AFAP1L1: variants seen among roughly 807,000 people sequenced by gnomAD.
AFAP1L1 encodes the protein actin filament-associated protein 1-like 1.
In AFAP1L1, 77 loss-of-function variants were observed where a neutral mutation model predicts 99.8. The ratio of observed to expected loss-of-function variants is 0.77; its 90% CI spans 0.64 to 0.93. AFAP1L1 has a LOEUF of 0.93. AFAP1L1 is among the 40% of genes least tolerant of loss of function. The pLI, the probability that AFAP1L1 is intolerant of heterozygous loss-of-function variation, is 0.00. For synonymous variants in AFAP1L1, 373 were observed against 395.3 expected, an observed-to-expected ratio of 0.94 and a Z score of 0.67; for missense variants, 893 against 996.8, an observed-to-expected ratio of 0.90 and a Z score of 1.40.
chr5:149,319,254 T>C lies in AFAP1L1; in HGVS notation c.1480-328T>C, dbSNP rs115410455. On this transcript the variant is annotated intron_variant, in intron 12 of 18. Transcript: ENST00000296721. ...TAAAAAGTAAATATTTTTTAAAAAA[T>C]TCAGAGAACACCCAAATGTTGGTTT... 3.8e-3 allele frequency among the ~76,000 whole-genome samples: 578 copies of C among 152,222 alleles called. 5 individuals carry two copies. Among genetic ancestry groups the C allele is most frequent in the African/African-American group, 0.013 (546 of 41,536 alleles).
At position 149,273,756 on chromosome 5, in the gene AFAP1L1, C is replaced by A. The variant is rs75415899; in HGVS notation, c.16+1772C>A. Among the ~76,000 whole-genome samples, 982 of 151,864 alleles carry A rather than the reference C, an allele frequency of 6.5e-3. 9 individuals carry two copies. Among genetic ancestry groups the A allele is most frequent in the African/African-American group, 0.023 (933 of 41,354 alleles). On this transcript the variant is annotated intron_variant, in intron 1 of 18. Coordinates refer to ENST00000296721, the MANE Select transcript of AFAP1L1 (RefSeq NM_152406.4). ...ATAATGCGTCTAAAGCAAATACCAC[C>A]ATCCCCCCTCCCCTTCACACTCCTA...
chr5:149,292,526 T>A (rs1340487600), intron 1 of AFAP1L1, among the ~76,000 whole-genome samples: 1 of 152,226 alleles, frequency 6.6e-6, no homozygotes, highest in Non-Finnish European at 1.5e-5. Context: ...TAATCTTAGA[T>A]ATATTTTAAA....
rs150887335 is a variant in AFAP1L1, at chr5:149,319,607, G to A, written c.1505G>A (p.Arg502His). 1.2e-4 allele frequency: 191 copies of A among 1,612,660 alleles called. No homozygotes were observed. The highest frequency in any genetic ancestry group is 1.8e-4 in the Middle Eastern group (1 of 5,630). ...LEASCSEDMG[R>H]WLGLLLVEMG... Reference sequence around the variant, plus strand: ...GCAAGCTGTTCAGAGGACATGGGTCGCTGGCTCGGGCTGCTGCTGGTGGAG... The same window carrying A: ...GCAAGCTGTTCAGAGGACATGGGTCACTGGCTCGGGCTGCTGCTGGTGGAG... The change falls in exon 13 of 19, where the codon CGC becomes CAC. Residue 502 changes from arginine to histidine, a missense_variant. Transcript: ENST00000296721.
At position 149,300,344 on chromosome 5, in the gene AFAP1L1, T is replaced by G. The variant is rs1341825144; in HGVS notation, c.219T>G (p.Phe73Leu). 1.2e-6 allele frequency: 2 copies of G among 1,612,878 alleles called. No individual in the cohort carries two copies. Among genetic ancestry groups the G allele is most frequent in the Non-Finnish European group, 1.7e-6 (2 of 1,179,420 alleles). ...GGCCCAGCTTCGTGGAATCCCTCTT[T>G]GAAGAATTTGGTAAGTGACCCTCTC... Reference protein sequence around the residue: ...HSGPSFVESLFEEFDCDLSDL... With the variant: ...HSGPSFVESLLEEFDCDLSDL... The change falls in exon 3 of 19, where the codon TTT (phenylalanine) becomes TTG (leucine). Residue 73 changes from phenylalanine (F) to leucine (L), a missense_variant. Physicochemically the swap from Phe to Leu is conservative, Grantham distance 22. Coordinates refer to ENST00000296721, the MANE Select transcript of AFAP1L1 (RefSeq NM_152406.4).
chr5:149,303,705 T>A (rs1038252767), intron 5 of AFAP1L1, among the ~76,000 whole-genome samples: 2 of 152,148 alleles, frequency 1.3e-5, no homozygotes, highest in South Asian at 4.1e-4. Flanking sequence ...CACACATGCA[T>A]CCGTTTTAAC....
At position 149,340,853 on chromosome 5, in the gene AFAP1L1, A is replaced by G. The variant is rs1306293932; in HGVS notation, c.*823A>G. ...TTCTGACACTGAGGCTCTTGGAGCTATGGGTTAGAAATCCAGGAGGCAATA... is the reference window on the plus strand; with the variant it reads ...TTCTGACACTGAGGCTCTTGGAGCTGTGGGTTAGAAATCCAGGAGGCAATA... On this transcript the variant is annotated 3_prime_UTR_variant, in exon 19 of 19. Coordinates refer to ENST00000296721, the MANE Select transcript of AFAP1L1 (RefSeq NM_152406.4). 1 of 151,672 alleles carries G rather than the reference A, an allele frequency of 6.6e-6. No individual in the cohort carries two copies. Among genetic ancestry groups the G allele is most frequent in the Non-Finnish European group, 1.5e-5 (1 of 67,748 alleles). The allele number at this position is 151,672 out of a possible 1,614,324, so 9.4% of individuals were successfully genotyped here.
rs530952682 is a variant in AFAP1L1 at position 149,317,815 on chromosome 5, A to G, written c.1354A>G (p.Met452Val). ...CACTCTGTATTTCCACAAGGATCACATGGACCTGCGAACCCATGTGAACGC... is the reference window on the plus strand; with the variant it reads ...CACTCTGTATTTCCACAAGGATCACGTGGACCTGCGAACCCATGTGAACGC... Reference protein sequence around the residue: ...CNTLYFHKDHMDLRTHVNAIA... With the variant: ...CNTLYFHKDHVDLRTHVNAIA... The change falls in exon 12 of 19, where the codon ATG becomes GTG. Residue 452 changes from methionine (M) to valine (V), a missense_variant. Transcript: ENST00000296721. The G allele has an allele frequency of 3.1e-6, 5 of 1,613,468 alleles. No individual in the cohort carries two copies. In the African/African-American group the frequency reaches 4.0e-5, roughly 13 times the overall value.
At chr5:149,339,827 A>G (rs751636827) in intron 18 of AFAP1L1, among the ~76,000 whole-genome samples, 180 bp from the exon 19 acceptor site, 1 of 152,222 alleles carries the variant, frequency 6.6e-6, no homozygotes, top group East Asian at 1.9e-4. Context: ...ATGAAGGGAC[A>G]AGAGATACCA....
chr5:149,329,745 G>C lies in AFAP1L1; in HGVS notation c.1890G>C (p.Glu630Asp). Residue 630 changes from glutamate to aspartate, a missense_variant, in exon 16 of 19, where the codon GAG becomes GAC. By Grantham distance (45) the Glu-to-Asp change is conservative. Transcript: ENST00000296721. ...ACTTGGTAGAAAAAGAGAAGCTGGA[G>C]AAAGAGAAAGAGACGATTCGGACAG... is the stretch of plus-strand genomic sequence containing the variant. ...RRYLVEKEKL[E>D]KEKETIRTEL... 1 of 1,614,108 alleles carries C rather than the reference G, an allele frequency of 6.2e-7. No individual in the cohort carries two copies. The highest frequency in any genetic ancestry group is 8.5e-7 in the Non-Finnish European group (1 of 1,180,004).
Position 149,315,927 on chromosome 5 carries a change from G to T in AFAP1L1, c.1114+13G>T, listed in dbSNP as rs1756780851. ...ACCTGTGATCACGGTAGGAGCCTCT[G>T]GGGGCTCAGGCTGGGGAATGCTGGA... On this transcript the variant is annotated intron_variant, in intron 10 of 18. Transcript: ENST00000296721. 6.2e-7 allele frequency: 1 copy of T among 1,613,714 alleles called. No homozygotes were observed. The highest frequency in any genetic ancestry group is 8.5e-7 in the Non-Finnish European group (1 of 1,179,654).
chr5:149,342,732 C>A lies in AFAP1L1; in HGVS notation c.*2702C>A, dbSNP rs1199321465. ...TTCAAGACCAGCCTGGCCAACATGGCAAAACCCCATCTCTATCAAAAATAC... is the reference window on the plus strand; with the variant it reads ...TTCAAGACCAGCCTGGCCAACATGGAAAAACCCCATCTCTATCAAAAATAC... On this transcript the variant is annotated 3_prime_UTR_variant, in exon 19 of 19. Coordinates refer to ENST00000296721, the MANE Select transcript of AFAP1L1 (RefSeq NM_152406.4). Among the ~76,000 whole-genome samples, 2 of 152,106 alleles carry A rather than the reference C, an allele frequency of 1.3e-5. No individual in the cohort carries two copies. Among genetic ancestry groups the A allele is most frequent in the Admixed American group, 1.3e-4 (2 of 15,274 alleles).
chr5:149,299,420 G>A (rs143887630), intron 1 of AFAP1L1, 89 bp from the exon 2 acceptor site: 115 of 1,546,162 alleles, frequency 7.4e-5, no homozygotes, highest in Middle Eastern at 4.3e-4. Flanking sequence ...GACCCCTTCC[G>A]CCCAACTCTA....
chr5:149,301,324 C>G, intron 4 of AFAP1L1, 94 bp downstream of exon 4: 1 of 1,140,776 alleles, frequency 8.8e-7, no homozygotes, highest in Non-Finnish European at 1.3e-6. Flanking sequence ...GCTCTCCTGG[C>G]GGTTCTGGAC....
At chr5:149,302,391 CT>C (rs769129633) in intron 4 of AFAP1L1, 26 bp from the exon 5 acceptor site, 211 of 1,543,484 alleles carry the variant, frequency 1.4e-4, no homozygotes, top group Non-Finnish European at 1.6e-4. Flanking sequence ...CTCCGCTCCC[CT>C]AGCCCTCTTT....
rs549616624 is a variant in AFAP1L1, at chr5:149,293,130, A to G, written c.17-6379A>G. On this transcript the variant is annotated intron_variant, in intron 1 of 18. Coordinates refer to ENST00000296721, the MANE Select transcript of AFAP1L1 (RefSeq NM_152406.4). ...CTTTGTGCCTACCACTTCCCCTGAA[A>G]CTCCATGGGGCGATCACAGATGAGT... Among the ~76,000 whole-genome samples the G allele has an allele frequency of 9.2e-5, 14 of 151,978 alleles. No individual in the cohort carries two copies. The East Asian group carries it at 2.3e-3, about 25-fold the overall frequency.
At chr5:149,307,664 T>C in intron 7 of AFAP1L1, 51 bp downstream of exon 7, 1 of 1,574,302 alleles carries the variant, frequency 6.4e-7, no homozygotes, top group South Asian at 1.1e-5. Flanking sequence ...GACTTGCATG[T>C]GGGTGTGTCT....
intron 1 of AFAP1L1, among the ~76,000 whole-genome samples, chr5:149,296,586 T>C (rs1756025686): frequency 6.6e-6 from 1 of 152,200 alleles, no homozygotes; most frequent in Admixed American, 6.5e-5. Context: ...CATGTTTGTG[T>C]GTATGAGACA....
chr5:149,299,199 G>A (rs917759690), intron 1 of AFAP1L1, among the ~76,000 whole-genome samples: 1 of 152,224 alleles, frequency 6.6e-6, no homozygotes, highest in African/African-American at 2.4e-5. Context: ...AGGGAGGCCT[G>A]AGAACCTCTG....
At position 149,307,708 on chromosome 5, in the gene AFAP1L1, AC is replaced by A. The variant is rs2127596157; in HGVS notation, c.747+97del. On this transcript the variant is annotated intron_variant, in intron 7 of 18. Transcript: ENST00000296721. ...ATGTGGATATGTCTGCCTTGGGCAT[AC>A]CTGGATTGACTGTGTGCACAGAAGC... is the stretch of plus-strand genomic sequence containing the variant. The A allele has an allele frequency of 2.3e-6, 3 of 1,311,802 alleles. No individual in the cohort carries two copies. In the East Asian group the frequency reaches 7.5e-5, roughly 33 times the overall value. The allele number at this position is 1,311,802 out of a possible 1,614,324, so 81.3% of individuals were successfully genotyped here.
Sources: gnomAD v4.1 joint callset for allele counts (sites outside exome capture counted in the v4.1 genomes callset) on GRCh38, gnomAD v4.1.1 for gene constraint, MANE v1.5 for transcripts, NCBI Gene and HGNC (gene_info 2026-07-23, HGNC 2026-07-21) for gene names.